The following CASZ1 variants were observed in gnomAD, a reference collection of about 807,000 sequenced individuals.
CASZ1 encodes the protein zinc finger protein castor homolog 1.
CASZ1 carries 28 observed loss-of-function variants against 135.2 expected under a neutral mutation model. The ratio of observed to expected loss-of-function variants is 0.21; its 90% CI spans 0.15 to 0.28. The LOEUF (loss-of-function observed/expected upper bound fraction) is 0.28, where lower values mean the gene tolerates loss of function less well. CASZ1 is among the 10% of genes least tolerant of loss of function. CASZ1 has a pLI of 1.00. For synonymous variants in CASZ1, 1,068 were observed against 1,073.4 expected (o/e 0.99, Z 0.10); for missense variants, 2,161 against 2,453.3 (o/e 0.88, Z 2.52).
At chr1:10,738,714 A>G (rs1448062777) in intron 2 of CASZ1, among the ~76,000 whole-genome samples, 1 of 152,200 alleles carries the variant, frequency 6.6e-6, no homozygotes, top group African/African-American at 2.4e-5. Context: ...TAAACCCCAC[A>G]GGGAGAGGGG....
rs1365588631 is a variant in CASZ1 at position 10,637,316 on chromosome 1, T to G, written c.*1626A>C. 1.3e-5 allele frequency: 2 copies of G among 152,632 alleles called. No individual in the cohort carries two copies. Among genetic ancestry groups the G allele is most frequent in the African/African-American group, 4.8e-5 (2 of 41,458 alleles). 9.5% of individuals were successfully genotyped at this position (152,632 alleles called of 1,614,324 possible). On this transcript the variant is annotated 3_prime_UTR_variant, in exon 21 of 21. Transcript: ENST00000377022. ...AGGGGCTGTTTTAGAAAATAACTGA[T>G]TTCCTGTTGAATCAGGTACGCTCCG...
chr1:10,676,689 C>G lies in CASZ1; in HGVS notation c.17-11118G>C, dbSNP rs1638235145. Reference sequence around the variant, plus strand: ...CCAGCCTACAGCTCAGAAACGAGCCCCTGGCCCGGGGCGAGCAGCCCCACA... The same window carrying G: ...CCAGCCTACAGCTCAGAAACGAGCCGCTGGCCCGGGGCGAGCAGCCCCACA... On this transcript the variant is annotated intron_variant, in intron 4 of 20. Transcript: ENST00000377022. The surrounding 1 kb of genome is among the most constrained non-coding windows in gnomAD (Gnocchi z 4.5). Among the ~76,000 whole-genome samples the G allele has an allele frequency of 6.6e-6, 1 of 152,188 alleles. No homozygotes were observed. Among genetic ancestry groups the G allele is most frequent in the Admixed American group, 6.5e-5 (1 of 15,282 alleles).
chr1:10,690,157 C>T (rs960757409), intron 4 of CASZ1, among the ~76,000 whole-genome samples: 2 of 152,234 alleles, frequency 1.3e-5, no homozygotes, highest in South Asian at 2.1e-4. Flanking sequence ...TCTCTTCCTC[C>T]AGTACAGCAC....
At chr1:10,712,309 G>A (rs1027583204) in intron 2 of CASZ1, among the ~76,000 whole-genome samples, 1 of 152,030 alleles carries the variant, frequency 6.6e-6, no homozygotes, top group East Asian at 1.9e-4. Flanking sequence ...TCGCCTCATT[G>A]CACTCCAGCC....
rs1638854967 is a variant in CASZ1 at position 10,694,042 on chromosome 1, GCCGCGGCGGAGAAACTTTCTCCT to G, written c.-23-153_-23-131del. On this transcript the variant is annotated intron_variant, in intron 3 of 20. Transcript: ENST00000377022. This position sits in a 1 kb window ranked among gnomAD's most constrained non-coding sequence, Gnocchi z 6.6. ...CGGCCCGTCCCGGGCGGGCGCCGAG[GCCGCGGCGGAGAAACTTTCTCCT>G]CCGCGCCGCCCGCTTCTCACGCTCG... The G allele has an allele frequency of 1.3e-6, 1 of 778,738 alleles. No individual in the cohort carries two copies. The highest frequency in any genetic ancestry group is 3.9e-5 in the Admixed American group (1 of 25,476). 48.2% of individuals were successfully genotyped at this position (778,738 alleles called of 1,614,324 possible). A position where few individuals can be genotyped will look rare whatever the true frequency, so the allele number is the denominator to read the frequency against.
At chr1:10,708,384 T>A (rs1187021627) in intron 2 of CASZ1, among the ~76,000 whole-genome samples, 1 of 152,200 alleles carries the variant, frequency 6.6e-6, no homozygotes, top group East Asian at 1.9e-4. Context: ...ACCCACCTTT[T>A]ACCCACCCTT....
intron 2 of CASZ1, among the ~76,000 whole-genome samples, chr1:10,715,492 T>A (rs1191569388): frequency 4.4e-5 from 6 of 135,004 alleles, no homozygotes; most frequent in East Asian, 2.2e-4. Context: ...CCCAATCCTC[T>A]CCCCACAGCA....
At chr1:10,728,620 C>G (rs1285753721) in intron 2 of CASZ1, among the ~76,000 whole-genome samples, 1 of 151,830 alleles carries the variant, frequency 6.6e-6, no homozygotes, top group African/African-American at 2.4e-5. Flanking sequence ...TTTTTTATTT[C>G]CCCCTCTTGG....
At chr1:10,729,657 G>A (rs1022164453) in intron 2 of CASZ1, among the ~76,000 whole-genome samples, 8 of 152,208 alleles carry the variant, frequency 5.3e-5, no homozygotes, top group African/African-American at 9.6e-5. Flanking sequence ...CAGTTTCTAC[G>A]TGCCCTATTC....
chr1:10,681,205 T>A (rs1397817015), intron 4 of CASZ1, among the ~76,000 whole-genome samples: 1 of 152,170 alleles, frequency 6.6e-6, no homozygotes, highest in East Asian at 1.9e-4. Flanking sequence ...CTGACCTTTT[T>A]TTTTTTTTCC....
In CASZ1 at chr1:10,764,754, A is replaced by G. The variant is rs937184327; in HGVS notation, c.-233-3897T>C. ...CCTGGCCTCAAAACAGTTCTGGACCAAGTCCCCCAGAGCCACCAGGCAGTG... is the reference window on the plus strand; with the variant it reads ...CCTGGCCTCAAAACAGTTCTGGACCGAGTCCCCCAGAGCCACCAGGCAGTG... On this transcript the variant is annotated intron_variant, in intron 1 of 20. Coordinates refer to ENST00000377022, the MANE Select transcript of CASZ1 (RefSeq NM_001079843.3). 3.3e-5 allele frequency among the ~76,000 whole-genome samples: 5 copies of G among 152,316 alleles called. No homozygotes were observed. The South Asian group carries it at 8.3e-4, about 25-fold the overall frequency.
rs1390574572 is a variant in CASZ1 at position 10,646,897 on chromosome 1, A to C, written c.3498-571T>G. ...CATGGTGCCCACCCACTCAGACCTC[A>C]CTTGCCGGCGGAGTGGGAGAGCTGC... is the stretch of plus-strand genomic sequence containing the variant. On this transcript the variant is annotated intron_variant, in intron 16 of 20. Transcript: ENST00000377022. This position sits in a 1 kb window ranked among gnomAD's most constrained non-coding sequence, Gnocchi z 6.4. Among the ~76,000 whole-genome samples, 1 of 152,104 alleles carries C rather than the reference A, an allele frequency of 6.6e-6. No individual in the cohort carries two copies. The highest frequency in any genetic ancestry group is 2.4e-5 in the African/African-American group (1 of 41,430).
Position 10,694,584 on chromosome 1 carries a change from CCCGCCGCCGCCGCCGCCG to C in CASZ1, c.-23-690_-23-673del, listed in dbSNP as rs1171158662. Reference sequence around the variant, plus strand: ...GGCAGGTGAAAGAGCAGAGCGCGGCCCCGCCGCCGCCGCCGCCGCCGCCGCCGCCGCCGCCGCCCGGTG... The same window carrying C: ...GGCAGGTGAAAGAGCAGAGCGCGGCCCCGCCGCCGCCGCCGCCGCCCGGTG... On this transcript the variant is annotated intron_variant, in intron 3 of 20. Transcript: ENST00000377022. The surrounding 1 kb of genome is among the most constrained non-coding windows in gnomAD (Gnocchi z 6.6). 61 of 137,442 alleles carry C rather than the reference CCCGCCGCCGCCGCCGCCG, an allele frequency of 4.4e-4. No individual in the cohort carries two copies. The highest frequency in any genetic ancestry group is 4.2e-3 in the South Asian group (19 of 4,556). The allele number at this position is 137,442 out of a possible 1,614,324, so 8.5% of individuals were successfully genotyped here.
At chr1:10,793,027 A>T (rs1213326403) in intron 1 of CASZ1, among the ~76,000 whole-genome samples, 1 of 152,128 alleles carries the variant, frequency 6.6e-6, no homozygotes, top group Non-Finnish European at 1.5e-5. Context: ...TTTTAAATTA[A>T]AAAGGGGTGG....
chr1:10,639,093 TCGTC>T lies in CASZ1; in HGVS notation c.5125_5128del (p.Asp1709ThrfsTer133). 8.8e-7 allele frequency: 1 copy of T among 1,132,944 alleles called. No individual in the cohort carries two copies. The allele number at this position is 1,132,944 out of a possible 1,614,324, so 70.2% of individuals were successfully genotyped here. On this transcript the variant is annotated frameshift_variant, in exon 21 of 21. Coordinates refer to ENST00000377022, the MANE Select transcript of CASZ1 (RefSeq NM_001079843.3). LOFTEE classifies it high-confidence loss of function. The surrounding 1 kb of genome is among the most constrained non-coding windows in gnomAD (Gnocchi z 4.0). ...GTCGGTGCGCAGGTCCTCGTCGTCGTCGTCCTCGTCGTCGTCCTCGTCGTCGTCG... is the reference window on the plus strand; with the variant it reads ...GTCGGTGCGCAGGTCCTCGTCGTCGTCTCGTCGTCGTCCTCGTCGTCGTCG...
intron 4 of CASZ1, among the ~76,000 whole-genome samples, chr1:10,675,857 G>A (rs993238734): frequency 1.4e-4 from 20 of 138,868 alleles, no homozygotes; most frequent in East Asian, 2.2e-4. Flanking sequence ...GGTCCCCAGC[G>A]GCAAAGTCCT....
In CASZ1 at chr1:10,639,146, G is replaced by GTCC; in HGVS notation, c.5075_5076insGGA (p.Asp1691_Asp1692insGlu). On this transcript the variant is annotated inframe_insertion, in exon 21 of 21. Coordinates refer to ENST00000377022, the MANE Select transcript of CASZ1 (RefSeq NM_001079843.3). The surrounding 1 kb of genome is among the most constrained non-coding windows in gnomAD (Gnocchi z 4.0). ...CGTCCTCGTCGTCGTCCTCGTCCTC[G>GTCC]TCGTCTTCGGCCTCCTCCTCCGGCA... 1 of 1,097,794 alleles carries GTCC rather than the reference G, an allele frequency of 9.1e-7. No individual in the cohort carries two copies. 68.0% of individuals were successfully genotyped at this position (1,097,794 alleles called of 1,614,324 possible).
chr1:10,711,706 C>T lies in CASZ1; in HGVS notation c.-76-6162G>A, dbSNP rs1639289457. ...GTCCATGGACTGAGAAATGGACATA[C>T]AACATGGAGTCTGTCCATACTATTG... On this transcript the variant is annotated intron_variant, in intron 2 of 20. Coordinates refer to ENST00000377022, the MANE Select transcript of CASZ1 (RefSeq NM_001079843.3). This position sits in a 1 kb window ranked among gnomAD's most constrained non-coding sequence, Gnocchi z 4.4. Among the ~76,000 whole-genome samples, 1 of 151,852 alleles carries T rather than the reference C, an allele frequency of 6.6e-6. No individual in the cohort carries two copies. The highest frequency in any genetic ancestry group is 1.5e-5 in the Non-Finnish European group (1 of 67,996).
At chr1:10,713,329 G>T (rs1046905436) in intron 2 of CASZ1, among the ~76,000 whole-genome samples, 2 of 152,074 alleles carry the variant, frequency 1.3e-5, no homozygotes, top group African/African-American at 4.8e-5. Context: ...TTAATTTTTT[G>T]GGTTCTTTCC....
Sources: allele counts gnomAD v4.1 joint callset (sites outside exome capture counted in the v4.1 genomes callset), GRCh38; gene constraint gnomAD v4.1.1; non-coding constraint Gnocchi (gnomAD v3.1); transcripts MANE v1.5; gene names NCBI Gene and HGNC (gene_info 2026-07-23, HGNC 2026-07-21).